Variants in SGSM3 observed in about 807,000 individuals in gnomAD.
SGSM3 encodes small G protein signaling modulator 3.
SGSM3 carries 96 observed loss-of-function variants against 100.5 expected under a neutral mutation model. That is an observed-to-expected ratio of 0.96 (90% CI 0.81 to 1.13). The LOEUF is 1.13. SGSM3 is among the 50% of genes most tolerant of loss of function. The pLI is 0.00. For missense variants in SGSM3, 1,001 were observed against 1,015.8 expected, an observed-to-expected ratio of 0.99 and a Z score of 0.20; for synonymous variants, 483 against 422.8, an observed-to-expected ratio of 1.14 and a Z score of -1.75.
intron 1 of SGSM3, among the ~76,000 whole-genome samples, chr22:40,380,884 G>A (rs546169889): frequency 1.3e-5 from 2 of 152,146 alleles, no homozygotes; most frequent in African/African-American, 4.8e-5. Context: ...GCAGTGAGCT[G>A]TGATCACACC....
rs2050645123 is a variant in SGSM3, at chr22:40,400,820, G to A, written c.7+7G>A. On this transcript the variant is annotated splice_region_variant and intron_variant, in intron 2 of 21. Coordinates refer to ENST00000248929, the MANE Select transcript of SGSM3 (RefSeq NM_015705.6). Reference sequence around the variant, plus strand: ...CCCACCAGCACAATGTCAGGTAGAGGCAGGGGCTGGACTTGGAAACGGGGT... The same window carrying A: ...CCCACCAGCACAATGTCAGGTAGAGACAGGGGCTGGACTTGGAAACGGGGT... 1.3e-6 allele frequency: 2 copies of A among 1,539,556 alleles called. No individual in the cohort carries two copies. Among genetic ancestry groups the A allele is most frequent in the Non-Finnish European group, 1.7e-6 (2 of 1,143,210 alleles).
chr22:40,384,116 C>T (rs1027600793), intron 1 of SGSM3, among the ~76,000 whole-genome samples: 1 of 152,032 alleles, frequency 6.6e-6, no homozygotes. Flanking sequence ...TGATGGCATG[C>T]GCCCGTAGTC....
intron 1 of SGSM3, among the ~76,000 whole-genome samples, chr22:40,375,124 T>C (rs186481807): frequency 6.6e-6 from 1 of 152,362 alleles, no homozygotes; most frequent in Admixed American, 6.5e-5. Context: ...TCTCTTCTAA[T>C]ATATGCCTCT....
At chr22:40,408,548 A>G (rs2052014943) in intron 16 of SGSM3, 79 bp from the exon 17 acceptor site, 3 of 1,588,640 alleles carry the variant, frequency 1.9e-6, no homozygotes, top group South Asian at 2.2e-5. Context: ...CAGCGTGGTG[A>G]CAGGTGCCCA....
intron 1 of SGSM3, among the ~76,000 whole-genome samples, chr22:40,400,260 G>A (rs80080783): frequency 0.039 from 5,910 of 152,256 alleles, 330 homozygotes; most frequent in African/African-American, 0.12. Flanking sequence ...AATGTAACTT[G>A]TCTTGAAATC....
Position 40,407,098 on chromosome 22 carries a change from T to C in SGSM3, c.1240+27T>C, listed in dbSNP as rs372797524. 8.2e-5 allele frequency: 131 copies of C among 1,604,836 alleles called. No individual in the cohort carries two copies. The highest frequency in any genetic ancestry group is 1.1e-4 in the Non-Finnish European group (127 of 1,176,006). ...TGAGAGCTCTGCGAGTGCCAGGCAG[T>C]GTGGGCATGCGGGAGTCTGTCCTCA... On this transcript the variant is annotated intron_variant, in intron 11 of 21. Transcript: ENST00000248929. This position sits in a 1 kb window ranked among gnomAD's most constrained non-coding sequence, Gnocchi z 4.7.
Position 40,379,912 on chromosome 22 carries a change from TG to T in SGSM3, c.-112+9225del, listed in dbSNP as rs1412828349. On this transcript the variant is annotated intron_variant, in intron 1 of 21. Transcript: ENST00000248929. ...TTTTTGTAGAGATTGGGTTTCGTCATGTTGCCCAGGGTGGTCTCAAACTCCT... is the reference window on the plus strand; with the variant it reads ...TTTTTGTAGAGATTGGGTTTCGTCATTTGCCCAGGGTGGTCTCAAACTCCT... Among the ~76,000 whole-genome samples the T allele has an allele frequency of 3.3e-5, 5 of 152,150 alleles. No homozygotes were observed. In the South Asian group the frequency reaches 1.0e-3, roughly 31 times the overall value.
intron 1 of SGSM3, among the ~76,000 whole-genome samples, chr22:40,384,630 A>G (rs2048136720): frequency 6.6e-6 from 1 of 152,094 alleles, no homozygotes; most frequent in Non-Finnish European, 1.5e-5. Flanking sequence ...AATACAAAAA[A>G]TTAGCTGGGC....
rs774435081 is a variant in SGSM3 at position 40,406,534 on chromosome 22, G to T, written c.1057G>T (p.Val353Leu). 1.2e-6 allele frequency: 2 copies of T among 1,613,136 alleles called. No homozygotes were observed. Among genetic ancestry groups the T allele is most frequent in the Non-Finnish European group, 1.7e-6 (2 of 1,179,926 alleles). Residue 353 changes from valine to leucine, a missense_variant, in exon 10 of 22, where the codon GTG becomes TTG. Val to Leu is a conservative substitution (Grantham distance 32). Transcript: ENST00000248929. Reference protein sequence around the residue: ...QMEDAELLLGVAMRLAGSLTD... With the variant: ...QMEDAELLLGLAMRLAGSLTD... ...GGAGGACGCGGAGCTGCTTCTGGGG[G>T]TGGCCATGCGGCTGGCCGGCTCCCT...
rs932291162 is a variant in SGSM3 at position 40,409,123 on chromosome 22, G to A, written c.1988+105G>A. On this transcript the variant is annotated intron_variant, in intron 19 of 21. Coordinates refer to ENST00000248929, the MANE Select transcript of SGSM3 (RefSeq NM_015705.6). ...ACCCTAAAGGACAAAGAACCTCAGG[G>A]GCTCAGGTCCTTCCCCAAAGAGGGT... The A allele has an allele frequency of 9.7e-5, 150 of 1,550,978 alleles. 1 individual carries two copies. Among genetic ancestry groups the A allele is most frequent in the Non-Finnish European group, 1.0e-4 (120 of 1,150,188 alleles).
intron 1 of SGSM3, among the ~76,000 whole-genome samples, chr22:40,383,931 C>G (rs2048000318): frequency 6.6e-6 from 1 of 152,076 alleles, no homozygotes; most frequent in South Asian, 2.1e-4. Flanking sequence ...AGTAGACTTG[C>G]AACTGATTTG....
In SGSM3 at chr22:40,410,239, AG is replaced by A. The variant is rs1481324285; in HGVS notation, c.*481del. The A allele has an allele frequency of 2.0e-6, 2 of 998,224 alleles. No individual in the cohort carries two copies. Among genetic ancestry groups the A allele is most frequent in the African/African-American group, 3.4e-5 (2 of 59,172 alleles). 61.8% of individuals were successfully genotyped at this position (998,224 alleles called of 1,614,324 possible). On this transcript the variant is annotated 3_prime_UTR_variant, in exon 22 of 22. Coordinates refer to ENST00000248929, the MANE Select transcript of SGSM3 (RefSeq NM_015705.6). Reference sequence around the variant, plus strand: ...CTGGGACACAACAGACCCGGGACCCAGCTGTGCTACCCACCCCTTCCATGGA... The same window carrying A: ...CTGGGACACAACAGACCCGGGACCCACTGTGCTACCCACCCCTTCCATGGA...
chr22:40,384,624 C>CA (rs2048134940), intron 1 of SGSM3, among the ~76,000 whole-genome samples: 1 of 151,638 alleles, frequency 6.6e-6, no homozygotes, highest in Non-Finnish European at 1.5e-5. Flanking sequence ...ACTAAAAATA[C>CA]AAAAAATTAG....
intron 1 of SGSM3, among the ~76,000 whole-genome samples, chr22:40,386,196 A>G (rs2048418772): frequency 6.6e-6 from 1 of 152,256 alleles, no homozygotes; most frequent in Middle Eastern, 3.4e-3. Context: ...AGGAACTTAA[A>G]TGGGGCTAGA....
intron 6 of SGSM3, among the ~76,000 whole-genome samples, 163 bp downstream of exon 6, chr22:40,404,827 G>A (rs1406041642): frequency 6.6e-6 from 1 of 152,124 alleles, no homozygotes; most frequent in East Asian, 1.9e-4. Context: ...TTGTCCAAAA[G>A]GCCATCAGTG....
chr22:40,401,017 C>T (rs556948781), intron 2 of SGSM3, among the ~76,000 whole-genome samples: 17 of 152,328 alleles, frequency 1.1e-4, no homozygotes, highest in Non-Finnish European at 5.9e-5. Flanking sequence ...CTCTCCAACC[C>T]GCAGATCTGC....
Position 40,404,533 on chromosome 22 carries a change from GCCCTTGCGGCT to G in SGSM3, c.367-18_367-8del. 2 of 1,611,028 alleles carry G rather than the reference GCCCTTGCGGCT, an allele frequency of 1.2e-6. No individual in the cohort carries two copies. The highest frequency in any genetic ancestry group is 2.2e-5 in the East Asian group (1 of 44,806). On this transcript the variant is annotated splice_polypyrimidine_tract_variant and intron_variant, in intron 5 of 21. Transcript: ENST00000248929. ...TCAGGTGTCACGAGAAAGACTGAGT[GCCCTTGCGGCT>G]CCCTTCCCTCAGCTGTGGATGCGGC...
chr22:40,380,737 A>T (rs1411552098), intron 1 of SGSM3, among the ~76,000 whole-genome samples: 1 of 152,058 alleles, frequency 6.6e-6, no homozygotes, highest in Non-Finnish European at 1.5e-5. Context: ...GGAATTTAAG[A>T]CCAGCCTGGG....
chr22:40,406,992 C>T (rs1483175871), intron 10 of SGSM3, 25 bp from the exon 11 acceptor site: 2 of 1,557,516 alleles, frequency 1.3e-6, no homozygotes, highest in African/African-American at 1.4e-5. Flanking sequence ...GCCAGGACCA[C>T]CCTGACCCAC....
Sources: allele counts gnomAD v4.1 joint callset (sites outside exome capture counted in the v4.1 genomes callset), GRCh38; gene constraint gnomAD v4.1.1; non-coding constraint Gnocchi (gnomAD v3.1); transcripts MANE v1.5; gene names NCBI Gene and HGNC (gene_info 2026-07-23, HGNC 2026-07-21).